TRPC4: variants seen among roughly 807,000 people sequenced by gnomAD.
TRPC4 encodes transient receptor potential cation channel subfamily C member 4, also known as short transient receptor potential channel 4.
Under a neutral mutation model 99.4 loss-of-function variants are expected in TRPC4, and 49 were observed. The observed-to-expected ratio is 0.49, with a 90% CI of 0.39 to 0.63. The LOEUF is 0.63. Ranked by LOEUF, TRPC4 falls within the 20% of genes least tolerant of loss-of-function variation. The pLI is 0.00. For missense variants in TRPC4, 898 were observed against 1,152.9 expected (o/e 0.78, Z 3.20); for synonymous variants, 454 against 425.9 (o/e 1.07, Z -0.81).
chr13:37,688,247 G>A (rs185487775), intron 4 of TRPC4, among the ~76,000 whole-genome samples: 7 of 152,290 alleles, frequency 4.6e-5, no homozygotes, highest in African/African-American at 7.2e-5. Context: ...ATAGAAGAGC[G>A]ATTATGAACT....
chr13:37,695,233 T>G (rs1210040153), intron 3 of TRPC4, among the ~76,000 whole-genome samples: 3 of 152,010 alleles, frequency 2.0e-5, no homozygotes, highest in Non-Finnish European at 2.9e-5. Flanking sequence ...TCCCTGTGTC[T>G]TTTTCTCTCT....
intron 8 of TRPC4, among the ~76,000 whole-genome samples, chr13:37,647,115 C>A (rs1326002638): frequency 2.0e-5 from 3 of 152,108 alleles, no homozygotes; most frequent in South Asian, 4.1e-4. Context: ...ACGATAAGAT[C>A]ATCAATAATG....
intron 8 of TRPC4, among the ~76,000 whole-genome samples, chr13:37,643,492 T>G (rs1288313421): frequency 6.6e-6 from 1 of 152,142 alleles, no homozygotes; most frequent in Non-Finnish European, 1.5e-5. Flanking sequence ...TTATAGAGAA[T>G]GCAGTATTAG....
At chr13:37,675,258 C>A (rs1953006730) in intron 4 of TRPC4, among the ~76,000 whole-genome samples, 1 of 152,144 alleles carries the variant, frequency 6.6e-6, no homozygotes, top group Non-Finnish European at 1.5e-5. Context: ...CTATAAAAAT[C>A]ATAATTTTCC....
rs1555280924 is a variant in TRPC4, at chr13:37,835,050, T to TA, written c.-28+34544dup. On this transcript the variant is annotated intron_variant, in intron 1 of 10. Coordinates refer to ENST00000379705, the MANE Select transcript of TRPC4 (RefSeq NM_016179.4). ...AGCAGGCCCAGCCTGTTTTTTTTTT[T>TA]AATTTTTTTTTTAAATCCTGCATAT... Among the ~76,000 whole-genome samples the TA allele has an allele frequency of 1.3e-4, 20 of 151,802 alleles. No homozygotes were observed. In the East Asian group the frequency reaches 1.6e-3, roughly 12 times the overall value.
chr13:37,848,593 A>T (rs770682326), intron 1 of TRPC4, among the ~76,000 whole-genome samples: 14 of 152,152 alleles, frequency 9.2e-5, no homozygotes, highest in Non-Finnish European at 1.9e-4. Flanking sequence ...GAATCGGAGC[A>T]AAGTAGGTCT....
At chr13:37,722,086 G>C (rs1954888061) in intron 3 of TRPC4, among the ~76,000 whole-genome samples, 1 of 152,198 alleles carries the variant, frequency 6.6e-6, no homozygotes, top group African/African-American at 2.4e-5. Context: ...TAAAAGGTAA[G>C]AATAAAATGT....
chr13:37,692,420 C>A, intron 3 of TRPC4, 85 bp from the exon 4 acceptor site: 1 of 1,186,128 alleles, frequency 8.4e-7, no homozygotes, highest in Admixed American at 2.8e-5. Context: ...CAATTGTGAT[C>A]TTTAAAGACA....
chr13:37,780,718 TGTGTGCTATGCAC>T lies in TRPC4; in HGVS notation c.378+2225_378+2237del, dbSNP rs368174757. ...ACGGCCCAAGCACTGAGGCCATCTT[TGTGTGCTATGCAC>T]GTTTCATGTTGCTGAAACTTCAGTT... On this transcript the variant is annotated intron_variant, in intron 2 of 10. Coordinates refer to ENST00000379705, the MANE Select transcript of TRPC4 (RefSeq NM_016179.4). 3.5e-3 allele frequency among the ~76,000 whole-genome samples: 527 copies of T among 152,228 alleles called. 5 individuals carry two copies. Among genetic ancestry groups the T allele is most frequent in the African/African-American group, 0.012 (505 of 41,558 alleles).
At chr13:37,803,236 C>T (rs1159533056) in intron 1 of TRPC4, among the ~76,000 whole-genome samples, 1 of 151,956 alleles carries the variant, frequency 6.6e-6, no homozygotes, top group East Asian at 1.9e-4. Context: ...TGCTCCAGCC[C>T]TGGAAGCAAT....
intron 1 of TRPC4, among the ~76,000 whole-genome samples, chr13:37,830,433 A>T: frequency 6.6e-6 from 1 of 152,118 alleles, no homozygotes; most frequent in Middle Eastern, 3.4e-3. Context: ...TGCTTGCTGG[A>T]CATGATGGCT....
chr13:37,800,449 A>G (rs1957371645), intron 1 of TRPC4, among the ~76,000 whole-genome samples: 1 of 152,238 alleles, frequency 6.6e-6, no homozygotes, highest in African/African-American at 2.4e-5. Flanking sequence ...GGTAGTGATC[A>G]GCTAGGTTCA....
At chr13:37,790,514 C>T (rs1957090486) in intron 1 of TRPC4, among the ~76,000 whole-genome samples, 1 of 152,152 alleles carries the variant, frequency 6.6e-6, no homozygotes, top group African/African-American at 2.4e-5. Flanking sequence ...TCACTATTTA[C>T]ATCAATAAAT....
chr13:37,809,910 T>A (rs1957627900), intron 1 of TRPC4, among the ~76,000 whole-genome samples: 1 of 152,108 alleles, frequency 6.6e-6, no homozygotes, highest in Admixed American at 6.6e-5. Flanking sequence ...TATTCAGGGC[T>A]ATATCAATTT....
In TRPC4 at chr13:37,655,150, A is replaced by G; in HGVS notation, c.1822T>C (p.Ser608Pro). The G allele has an allele frequency of 8.1e-6, 13 of 1,605,040 alleles. No individual in the cohort carries two copies. Among genetic ancestry groups the G allele is most frequent in the Non-Finnish European group, 1.1e-5 (13 of 1,174,896 alleles). The change falls in exon 7 of 11, where the codon TCT becomes CCT. Residue 608 changes from serine to proline, a missense_variant. Physicochemically the swap from Ser to Pro is moderately conservative, Grantham distance 74. Coordinates refer to ENST00000379705, the MANE Select transcript of TRPC4 (RefSeq NM_016179.4). ...ATMFGTYNVI[S>P]LVVLLNMLIA... is the part of the protein sequence containing the mutation. ...AACATGTTGAGTAGAACAACCAGAG[A>G]GATGACATTGTATGTCCCAAACATG...
intron 3 of TRPC4, among the ~76,000 whole-genome samples, chr13:37,723,923 T>G (rs1954952496): frequency 6.6e-6 from 1 of 152,082 alleles, no homozygotes; most frequent in South Asian, 2.1e-4. Context: ...TTGATGGAAC[T>G]ATTCCTTTCT....
intron 3 of TRPC4, among the ~76,000 whole-genome samples, chr13:37,727,844 C>T (rs1955113101): frequency 6.6e-6 from 1 of 151,990 alleles, no homozygotes; most frequent in African/African-American, 2.4e-5. Context: ...CCAAGACTAT[C>T]ATTATCAAAT....
intron 6 of TRPC4, among the ~76,000 whole-genome samples, chr13:37,656,515 C>T (rs961009634): frequency 6.6e-6 from 1 of 152,110 alleles, no homozygotes; most frequent in African/African-American, 2.4e-5. Context: ...GAGCTTCTCA[C>T]CCAATACCTC....
intron 1 of TRPC4, among the ~76,000 whole-genome samples, chr13:37,824,974 T>G (rs1314998496): frequency 6.6e-6 from 1 of 152,142 alleles, no homozygotes; most frequent in Non-Finnish European, 1.5e-5. Context: ...TATTCAGAGA[T>G]TCAACTTCTT....
Sources: allele counts gnomAD v4.1 joint callset (sites outside exome capture counted in the v4.1 genomes callset), GRCh38; gene constraint gnomAD v4.1.1; transcripts MANE v1.5; gene names NCBI Gene and HGNC (gene_info 2026-07-23, HGNC 2026-07-21).